Variants in RGS6 observed in about 807,000 individuals in gnomAD.
RGS6 encodes regulator of G-protein signaling 6.
RGS6 carries 30 observed loss-of-function variants against 78.5 expected under a neutral mutation model. The observed-to-expected ratio is 0.38, with a 90% CI of 0.29 to 0.52. RGS6 has a LOEUF of 0.52. RGS6 is among the 20% of genes least tolerant of loss of function. The probability of loss-of-function intolerance (pLI) is 0.85; values close to 1 mark genes in which losing one functional copy is unlikely to be tolerated. For synonymous variants in RGS6, 206 were observed against 206.0 expected, an observed-to-expected ratio of 1.00 and a Z score of 0.00; for missense variants, 495 against 609.7, an observed-to-expected ratio of 0.81 and a Z score of 1.98.
the RGS6 span, among the ~76,000 whole-genome samples, chr14:71,910,017 ATC>A: frequency 2.0e-5 from 3 of 151,960 alleles, no homozygotes; most frequent in Non-Finnish European, 4.4e-5. Context: ...ATGAAACACT[ATC>A]TCTACTAAAA....
intron 2 of RGS6, among the ~76,000 whole-genome samples, chr14:72,043,970 C>G (rs767848585): frequency 1.3e-5 from 2 of 152,152 alleles, no homozygotes; most frequent in Admixed American, 6.6e-5. Context: ...CTCCTCCTCT[C>G]TTTTTCTTCT....
the RGS6 span, among the ~76,000 whole-genome samples, chr14:72,573,824 G>A: frequency 1.3e-5 from 2 of 152,156 alleles, no homozygotes; most frequent in South Asian, 4.1e-4. Context: ...TAGGGGTTAA[G>A]AAAGCTGCAT....
chr14:72,417,545 G>C (rs2093907177), intron 3 of RGS6, among the ~76,000 whole-genome samples: 1 of 152,150 alleles, frequency 6.6e-6, no homozygotes, highest in East Asian at 1.9e-4. Flanking sequence ...AGACCCTCTG[G>C]CACTCTCTAT....
chr14:72,273,467 G>A (rs1019074725), intron 2 of RGS6, among the ~76,000 whole-genome samples: 5 of 152,158 alleles, frequency 3.3e-5, no homozygotes, highest in Non-Finnish European at 7.4e-5. Context: ...GCATAAGTGT[G>A]GACAGCAGGG....
chr14:72,404,679 A>G (rs867659419), intron 3 of RGS6, among the ~76,000 whole-genome samples: 7 of 152,334 alleles, frequency 4.6e-5, no homozygotes, highest in African/African-American at 1.7e-4. Context: ...GAATTTTCCA[A>G]TTTACAGAGC....
intron 2 of RGS6, among the ~76,000 whole-genome samples, chr14:72,246,335 A>G (rs1191897942): frequency 6.6e-6 from 1 of 152,236 alleles, no homozygotes; most frequent in South Asian, 2.1e-4. Context: ...TAATACAACA[A>G]TTCTAAGGGT....
chr14:72,333,652 C>G (rs1237226360), intron 2 of RGS6, among the ~76,000 whole-genome samples: 1 of 152,212 alleles, frequency 6.6e-6, no homozygotes, highest in South Asian at 2.1e-4. Flanking sequence ...TGGGCTTAAG[C>G]CCTGAAATGC....
At chr14:72,297,737 T>C (rs2065159692) in intron 2 of RGS6, among the ~76,000 whole-genome samples, 1 of 151,710 alleles carries the variant, frequency 6.6e-6, no homozygotes, top group African/African-American at 2.4e-5. Flanking sequence ...ATGGATGAAA[T>C]TGGAAATCAT....
chr14:72,041,845 T>G (rs138140447), intron 2 of RGS6, among the ~76,000 whole-genome samples: 1 of 152,078 alleles, frequency 6.6e-6, no homozygotes. Flanking sequence ...ATCTTACTTA[T>G]ATCACCTCCC....
At chr14:72,354,495 G>A (rs2079837279) in intron 3 of RGS6, among the ~76,000 whole-genome samples, 1 of 151,814 alleles carries the variant, frequency 6.6e-6, no homozygotes, top group Admixed American at 6.6e-5. Context: ...AAATAGCTGG[G>A]TGTGGTGGCA....
chr14:72,154,665 G>A (rs900888690), intron 2 of RGS6, among the ~76,000 whole-genome samples: 9 of 152,326 alleles, frequency 5.9e-5, no homozygotes, highest in South Asian at 2.1e-4. Context: ...GCCAACTGAC[G>A]TGAAAGCAAG....
intron 2 of RGS6, among the ~76,000 whole-genome samples, chr14:72,238,456 T>A (rs1387681752): frequency 6.6e-6 from 1 of 152,212 alleles, no homozygotes; most frequent in Non-Finnish European, 1.5e-5. Context: ...CGAAGGTATG[T>A]GTACTTTACA....
At chr14:72,553,468 A>G (rs1217791371) in intron 17 of RGS6, 1 of 152,186 alleles carries the variant, frequency 6.6e-6, no homozygotes, top group African/African-American at 2.4e-5. Context: ...GTCTCTGCCC[A>G]CCACTCCTGT....
chr14:72,277,831 G>A (rs919505009), intron 2 of RGS6, among the ~76,000 whole-genome samples: 3 of 152,060 alleles, frequency 2.0e-5, no homozygotes, highest in African/African-American at 7.2e-5. Flanking sequence ...GGGAGGCTGA[G>A]GCAGGAGAAT....
At chr14:72,324,756 G>T (rs7155422) in intron 2 of RGS6, among the ~76,000 whole-genome samples, 91,060 of 151,564 alleles carry the variant, frequency 0.6, 30,146 homozygotes, top group African/African-American at 0.9. Context: ...AGTCTATCAT[G>T]GATGGACATT....
At chr14:72,434,998 T>C (rs1019701525) in intron 3 of RGS6, among the ~76,000 whole-genome samples, 1 of 152,224 alleles carries the variant, frequency 6.6e-6, no homozygotes, top group Non-Finnish European at 1.5e-5. Flanking sequence ...GACTGATAGC[T>C]GAGTGAGTTC....
intron 2 of RGS6, among the ~76,000 whole-genome samples, chr14:71,980,452 G>T (rs2153115757): frequency 6.8e-6 from 1 of 146,290 alleles, no homozygotes; most frequent in Non-Finnish European, 1.5e-5. Flanking sequence ...TTTAGGGCAG[G>T]CCTGGTGGTG....
chr14:71,882,832 C>A, the RGS6 span, among the ~76,000 whole-genome samples: 1 of 152,156 alleles, frequency 6.6e-6, no homozygotes, highest in Non-Finnish European at 1.5e-5. Flanking sequence ...GCTCTGCTTT[C>A]CAAAAAACTA....
chr14:72,483,646 GC>G (rs1467913159), intron 12 of RGS6, among the ~76,000 whole-genome samples: 1 of 151,932 alleles, frequency 6.6e-6, no homozygotes, highest in Non-Finnish European at 1.5e-5. Flanking sequence ...TTACAACTTT[GC>G]TTTTATGGGA....
Sources: allele counts gnomAD v4.1 joint callset (sites outside exome capture counted in the v4.1 genomes callset), GRCh38; gene constraint gnomAD v4.1.1; transcripts MANE v1.5; gene names NCBI Gene and HGNC (gene_info 2026-07-23, HGNC 2026-07-21).